The following LINGO2 variants were observed in gnomAD, a reference collection of about 807,000 sequenced individuals.
LINGO2 encodes the protein leucine-rich repeat and immunoglobulin-like domain-containing nogo receptor-interacting protein 2.
A neutral mutation model predicts 30.6 loss-of-function variants in LINGO2; 14 were observed. The observed-to-expected ratio is 0.46, with a 90% CI of 0.30 to 0.72. The LOEUF is 0.72. LINGO2 is among the 30% of genes least tolerant of loss of function. The pLI is 0.07. For synonymous variants in LINGO2, 317 were observed against 288.5 expected (o/e 1.10, Z -1.00); for missense variants, 729 against 751.7 (o/e 0.97, Z 0.35).
At chr9:28,424,403 G>C (rs1823321939) in intron 2 of LINGO2, among the ~76,000 whole-genome samples, 1 of 152,096 alleles carries the variant, frequency 6.6e-6, no homozygotes, top group Non-Finnish European at 1.5e-5. Context: ...AGGTACCGTA[G>C]CCAATAGCTA....
At chr9:28,682,759 C>T in the LINGO2 span, among the ~76,000 whole-genome samples, 69 of 151,936 alleles carry the variant, frequency 4.5e-4, no homozygotes, top group African/African-American at 1.5e-3. Flanking sequence ...TATTGATATG[C>T]TTTTAGATTA....
chr9:28,461,164 G>T (rs1825065205), intron 2 of LINGO2, among the ~76,000 whole-genome samples: 1 of 152,110 alleles, frequency 6.6e-6, no homozygotes, highest in African/African-American at 2.4e-5. Flanking sequence ...GATAGTACTG[G>T]AAATTGAAGT....
chr9:28,716,961 T>C, the LINGO2 span, among the ~76,000 whole-genome samples: 3 of 152,080 alleles, frequency 2.0e-5, no homozygotes, highest in Non-Finnish European at 4.4e-5. Flanking sequence ...AGTGCAAATA[T>C]ACATTTTAGT....
chr9:28,939,029 T>C, the LINGO2 span, among the ~76,000 whole-genome samples: 2 of 152,198 alleles, frequency 1.3e-5, no homozygotes, highest in African/African-American at 4.8e-5. Context: ...TACTTTCTTT[T>C]ATTACTTTCC....
At chr9:28,761,686 C>A in the LINGO2 span, among the ~76,000 whole-genome samples, 1 of 151,916 alleles carries the variant, frequency 6.6e-6, no homozygotes, top group African/African-American at 2.4e-5. Context: ...ATAGTGATAA[C>A]CTTATATGAG....
the LINGO2 span, among the ~76,000 whole-genome samples, chr9:29,009,911 C>G: frequency 6.6e-6 from 1 of 152,088 alleles, no homozygotes; most frequent in East Asian, 1.9e-4. Context: ...ACAAACCTGA[C>G]AAAAACTAGA....
chr9:27,983,352 G>A (rs563890022), intron 5 of LINGO2, among the ~76,000 whole-genome samples: 4 of 151,938 alleles, frequency 2.6e-5, no homozygotes, highest in Admixed American at 1.3e-4. Context: ...TTTGAAGTAG[G>A]TGGGACCTTA....
At chr9:29,172,509 T>C in the LINGO2 span, among the ~76,000 whole-genome samples, 1 of 151,950 alleles carries the variant, frequency 6.6e-6, no homozygotes, top group African/African-American at 2.4e-5. Context: ...GAGATAAATA[T>C]ATCATGAAAT....
At chr9:28,506,412 ATATATATATACACAC>A (rs1564250414) in intron 1 of LINGO2, among the ~76,000 whole-genome samples, 3,046 of 66,988 alleles carry the variant, frequency 0.045, 208 homozygotes, top group Admixed American at 0.057. Context: ...ATATATATAT[ATATATATATACACAC>A]ACACACACAC....
rs148597945 is a variant in LINGO2 at position 28,435,361 on chromosome 9, T to A, written c.-279+40579A>T. On this transcript the variant is annotated intron_variant, in intron 2 of 5. Transcript: ENST00000379992. ...CAAATTTTATTTAGCGGTATCACTA[T>A]ATGTAAGAAGAAGGGTTATTGTGCT... Among the ~76,000 whole-genome samples, 11 of 152,296 alleles carry A rather than the reference T, an allele frequency of 7.2e-5. No homozygotes were observed. In the East Asian group the frequency reaches 2.1e-3, roughly 29 times the overall value.
intron 2 of LINGO2, among the ~76,000 whole-genome samples, chr9:28,464,823 C>T (rs1825231210): frequency 6.6e-6 from 1 of 152,110 alleles, no homozygotes; most frequent in Non-Finnish European, 1.5e-5. Flanking sequence ...GAGCAACACC[C>T]CACAAGCACA....
At chr9:29,175,683 C>T in the LINGO2 span, among the ~76,000 whole-genome samples, 2 of 151,840 alleles carry the variant, frequency 1.3e-5, no homozygotes, top group African/African-American at 2.4e-5. Context: ...CACACCACCA[C>T]GCCTGGCTAA....
chr9:28,552,928 C>G (rs573837282), intron 1 of LINGO2, among the ~76,000 whole-genome samples: 1 of 150,224 alleles, frequency 6.7e-6, no homozygotes, highest in Admixed American at 6.6e-5. Flanking sequence ...GATGAAGAAC[C>G]TTTTCTCACA....
chr9:28,035,398 G>C (rs1823880934), intron 4 of LINGO2, among the ~76,000 whole-genome samples: 1 of 152,222 alleles, frequency 6.6e-6, no homozygotes, highest in Non-Finnish European at 1.5e-5. Flanking sequence ...CAAGGGCACT[G>C]TCTCATTTGT....
At chr9:28,574,214 G>T (rs912688697) in intron 1 of LINGO2, among the ~76,000 whole-genome samples, 2 of 152,148 alleles carry the variant, frequency 1.3e-5, no homozygotes, top group Non-Finnish European at 2.9e-5. Flanking sequence ...CTCAACTGTG[G>T]ATGCACTTCA....
At chr9:28,821,454 C>T in the LINGO2 span, among the ~76,000 whole-genome samples, 1 of 152,154 alleles carries the variant, frequency 6.6e-6, no homozygotes, top group Admixed American at 6.5e-5. Context: ...AGAGAAGGCC[C>T]TTAGGAATTT....
At position 28,138,752 on chromosome 9, in the gene LINGO2, C is replaced by G. The variant is rs74355557; in HGVS notation, c.-86-126347G>C. On this transcript the variant is annotated intron_variant, in intron 4 of 5. Transcript: ENST00000379992. ...ACATAAACTGTTATAATAACCACTC[C>G]TAAAGAATTTACATAGACTAATGCA... 2.4e-3 allele frequency among the ~76,000 whole-genome samples: 367 copies of G among 152,196 alleles called. 10 individuals carry two copies. In the East Asian group the frequency reaches 0.059, roughly 24 times the overall value.
chr9:28,563,816 C>T (rs186859841), intron 1 of LINGO2, among the ~76,000 whole-genome samples: 12 of 152,228 alleles, frequency 7.9e-5, no homozygotes, highest in East Asian at 1.9e-4. Flanking sequence ...CCCAGAATCG[C>T]GGCTGCTGAG....
chr9:28,507,896 T>C (rs1296159237), intron 1 of LINGO2, among the ~76,000 whole-genome samples: 1 of 152,088 alleles, frequency 6.6e-6, no homozygotes, highest in East Asian at 1.9e-4. Flanking sequence ...ACTTAGGTAT[T>C]ATATTTTGTG....
Sources: allele counts gnomAD v4.1 joint callset (sites outside exome capture counted in the v4.1 genomes callset), GRCh38; gene constraint gnomAD v4.1.1; transcripts MANE v1.5; gene names NCBI Gene and HGNC (gene_info 2026-07-23, HGNC 2026-07-21).